SF3B1: variants seen among roughly 807,000 people sequenced by gnomAD.
SF3B1 encodes the protein pre-mRNA processing 10.
In SF3B1, 12 loss-of-function variants were observed where a neutral mutation model predicts 153.8. The observed-to-expected ratio is 0.08, with a 90% confidence interval of 0.05 to 0.13. SF3B1 has a LOEUF of 0.13. Among genes scored for constraint, SF3B1 ranks in the 10% least tolerant of loss-of-function variants. SF3B1 has a pLI of 1.00. For synonymous variants in SF3B1, 498 were observed against 525.2 expected (o/e 0.95, Z 0.71); for missense variants, 513 against 1,606.1 (o/e 0.32, Z 11.63).
At chr2:197,395,187 T>C (rs1462713937) in intron 23 of SF3B1, among the ~76,000 whole-genome samples, 2 of 152,232 alleles carry the variant, frequency 1.3e-5, no homozygotes, top group Non-Finnish European at 2.9e-5. Context: ...TGCACTATGG[T>C]GCTCAGGCAC....
In SF3B1 at chr2:197,396,184, T is replaced by A. The variant is rs142117190; in HGVS notation, c.3411A>T (p.Arg1137Ser). ...CATTTTGAACATTCAGTTCAGGAACTCTGTATTCATTCATTAAGGCAGGGA... is the reference window on the plus strand; with the variant it reads ...CATTTTGAACATTCAGTTCAGGAACACTGTATTCATTCATTAAGGCAGGGA... ...TVLPALMNEY[R>S]VPELNVQNGV... Residue 1137 changes from arginine to serine, a missense_variant, in exon 23 of 25, where the codon AGA becomes AGT. This residue lies in a region of SF3B1 where 17 missense variants were observed against 246.2 expected (regional missense o/e 0.07). Coordinates refer to ENST00000335508, the MANE Select transcript of SF3B1 (RefSeq NM_012433.4). The A allele has an allele frequency of 6.2e-7, 1 of 1,613,876 alleles. No individual in the cohort carries two copies.
chr2:197,426,169 G>T (rs2085333737), intron 1 of SF3B1, among the ~76,000 whole-genome samples: 1 of 151,942 alleles, frequency 6.6e-6, no homozygotes. Context: ...CAGGCAGCCA[G>T]AAATATCCTC....
At chr2:197,429,550 G>A (rs1192536396) in intron 1 of SF3B1, among the ~76,000 whole-genome samples, 4 of 152,132 alleles carry the variant, frequency 2.6e-5, no homozygotes, top group East Asian at 3.8e-4. Flanking sequence ...TTGGGAGGCC[G>A]ATGTGGATGG....
chr2:197,407,842 T>A (rs2085014763), intron 9 of SF3B1, 156 bp downstream of exon 9: 1 of 602,826 alleles, frequency 1.7e-6, no homozygotes, highest in Non-Finnish European at 2.8e-6. Context: ...TTTCTTTTCA[T>A]CTCTATATGG....
chr2:197,394,113 G>A (rs2084847238), intron 23 of SF3B1, among the ~76,000 whole-genome samples: 1 of 152,048 alleles, frequency 6.6e-6, no homozygotes, highest in African/African-American at 2.4e-5. Flanking sequence ...GAACCTGGGG[G>A]GTGGAGGTTG....
intron 8 of SF3B1, 39 bp downstream of exon 8, chr2:197,408,330 T>C (rs1285420585): frequency 6.3e-7 from 1 of 1,575,000 alleles, no homozygotes; most frequent in East Asian, 2.2e-5. Context: ...AAATAATTTA[T>C]GGAGAAAAAA....
chr2:197,427,418 A>C (rs1178783352), intron 1 of SF3B1, among the ~76,000 whole-genome samples: 4 of 152,234 alleles, frequency 2.6e-5, no homozygotes, highest in Non-Finnish European at 4.4e-5. Context: ...GTGATCCATA[A>C]AATTAAGCCG....
intron 7 of SF3B1, 141 bp downstream of exon 7, chr2:197,409,629 T>C: frequency 1.4e-6 from 1 of 723,182 alleles, no homozygotes; most frequent in Admixed American, 2.3e-5. Context: ...ATTAGGCATA[T>C]GAACTGTTCT....
At chr2:197,425,292 C>T (rs554239341) in intron 1 of SF3B1, among the ~76,000 whole-genome samples, 1 of 152,138 alleles carries the variant, frequency 6.6e-6, no homozygotes, top group South Asian at 2.1e-4. Context: ...GTGCTAAAAC[C>T]CCGTCTCTAC....
Position 197,409,754 on chromosome 2 carries a change from A to G in SF3B1, c.904+16T>C, listed in dbSNP as rs1467647645. 8 of 1,575,278 alleles carry G rather than the reference A, an allele frequency of 5.1e-6. No homozygotes were observed. Among genetic ancestry groups the G allele is most frequent in the Admixed American group, 1.7e-5 (1 of 59,904 alleles). Reference sequence around the variant, plus strand: ...CTCAACATTTCACCCACACACCCATACTCCACTAGAAGTACCTCTCTCTGT... The same window carrying G: ...CTCAACATTTCACCCACACACCCATGCTCCACTAGAAGTACCTCTCTCTGT... On this transcript the variant is annotated intron_variant, in intron 7 of 24. Transcript: ENST00000335508.
In SF3B1 at chr2:197,421,145, ACC is replaced by A; in HGVS notation, c.196-14_196-13del. 1 of 1,558,912 alleles carries A rather than the reference ACC, an allele frequency of 6.4e-7. No individual in the cohort carries two copies. The highest frequency in any genetic ancestry group is 8.8e-7 in the Non-Finnish European group (1 of 1,135,138). ...TAGTCATCGTCATCCTGCAATGAAAACCCCCCAAAAAGCCATAAACAAAATGT... is the reference window on the plus strand; with the variant it reads ...TAGTCATCGTCATCCTGCAATGAAAACCCCAAAAAGCCATAAACAAAATGT... On this transcript the variant is annotated splice_polypyrimidine_tract_variant and intron_variant, in intron 2 of 24. Coordinates refer to ENST00000335508, the MANE Select transcript of SF3B1 (RefSeq NM_012433.4).
Position 197,431,152 on chromosome 2 carries a change from G to A in SF3B1, c.28+3820C>T, listed in dbSNP as rs181053397. Among the ~76,000 whole-genome samples, 6 of 113,066 alleles carry A rather than the reference G, an allele frequency of 5.3e-5. No individual in the cohort carries two copies. In the East Asian group the frequency reaches 1.2e-3, roughly 22 times the overall value. 74.2% of individuals were successfully genotyped at this position (113,066 alleles called of 152,430 possible). A position where few individuals can be genotyped will look rare whatever the true frequency, so the allele number is the denominator to read the frequency against. ...TTTTGAGACAGAGTTTCACTCAGTC[G>A]CCCAGGCTGGAGTGCAGTGGCGTGG... On this transcript the variant is annotated intron_variant, in intron 1 of 24. Coordinates refer to ENST00000335508, the MANE Select transcript of SF3B1 (RefSeq NM_012433.4).
chr2:197,402,818 A>C lies in SF3B1; in HGVS notation c.1815T>G (p.Gly605=). The C allele has an allele frequency of 6.2e-7, 1 of 1,613,158 alleles. No homozygotes were observed. The highest frequency in any genetic ancestry group is 8.5e-7 in the Non-Finnish European group (1 of 1,179,216). Residue 605 remains glycine, a synonymous_variant, in exon 14 of 25, where the codon GGT becomes GGG. Transcript: ENST00000335508. This position sits in a 1 kb window ranked among gnomAD's most constrained non-coding sequence, Gnocchi z 4.6. ...EIISNLAKAA[G]LATMISTMRP... The stretch of plus-strand genomic sequence containing the variant: ...TCATGGTAGAGATCATAGTAGCCAG[A>C]CCAGCAGCCTAAAATGTAAACAAAG...
intron 1 of SF3B1, among the ~76,000 whole-genome samples, chr2:197,433,745 C>A (rs967618028): frequency 6.6e-6 from 1 of 152,182 alleles, no homozygotes; most frequent in Non-Finnish European, 1.5e-5. Flanking sequence ...TATTTCTTCT[C>A]TACTTGCACC....
chr2:197,404,950 A>T, intron 11 of SF3B1, 126 bp downstream of exon 11: 2 of 626,130 alleles, frequency 3.2e-6, no homozygotes, highest in Admixed American at 3.2e-5. Context: ...AGGTAGGCCA[A>T]AGCAGGAGGA....
At position 197,408,114 on chromosome 2, in the gene SF3B1, T is replaced by C. The variant is rs2085018380; in HGVS notation, c.1123A>G (p.Ile375Val). The C allele has an allele frequency of 1.2e-6, 2 of 1,612,932 alleles. No individual in the cohort carries two copies. Among genetic ancestry groups the C allele is most frequent in the South Asian group, 1.1e-5 (1 of 90,930 alleles). ...MNMATPTPGH[I>V]MSMTPEQLQA... ...AGCTGTTCAGGAGTCATACTCATTA[T>C]GTGACCTACCAAGAAAAGCAAATTT... The change falls in exon 9 of 25, where the codon ATA (isoleucine) becomes GTA (valine). Residue 375 changes from isoleucine (I) to valine (V), a missense_variant. Transcript: ENST00000335508.
In SF3B1 at chr2:197,405,332, T is replaced by A. The variant is rs765123233; in HGVS notation, c.1380A>T (p.Pro460=). 1.9e-6 allele frequency: 3 copies of A among 1,614,120 alleles called. No individual in the cohort carries two copies. The Admixed American group carries it at 5.0e-5, about 27-fold the overall frequency. ...GTTTTAAAAATGGAAGATTTCCAGA[T>A]GGCTGGTCATTAACACTTTTCATAG... The part of the protein sequence containing the change: ...DRTMKSVNDQ[P]SGNLPFLKPD... The change falls in exon 10 of 25, where the codon CCA becomes CCT. Residue 460 remains proline (P), a synonymous_variant. Transcript: ENST00000335508.
intron 9 of SF3B1, among the ~76,000 whole-genome samples, chr2:197,407,064 G>A (rs2085002570): frequency 6.6e-6 from 1 of 151,982 alleles, no homozygotes; most frequent in Non-Finnish European, 1.5e-5. Flanking sequence ...CTCCAGTACG[G>A]GCAACACAGT....
chr2:197,400,531 C>G lies in SF3B1; in HGVS notation c.2719-97G>C, dbSNP rs868149696. 1 of 1,155,060 alleles carries G rather than the reference C, an allele frequency of 8.7e-7. No homozygotes were observed. Among genetic ancestry groups the G allele is most frequent in the Middle Eastern group, 2.9e-4 (1 of 3,500 alleles). The allele number at this position is 1,155,060 out of a possible 1,614,324, so 71.6% of individuals were successfully genotyped here. On this transcript the variant is annotated intron_variant, in intron 18 of 24. Transcript: ENST00000335508. This position sits in a 1 kb window ranked among gnomAD's most constrained non-coding sequence, Gnocchi z 5.0. Reference sequence around the variant, plus strand: ...CAACCTTTTCTAACCACCCAAACATCTGTTGCTGTTTTTTTACATCAAATC... The same window carrying G: ...CAACCTTTTCTAACCACCCAAACATGTGTTGCTGTTTTTTTACATCAAATC...
Sources: allele counts gnomAD v4.1 joint callset (sites outside exome capture counted in the v4.1 genomes callset), GRCh38; gene constraint gnomAD v4.1.1; regional missense constraint gnomAD v4.1.1; non-coding constraint Gnocchi (gnomAD v3.1); transcripts MANE v1.5; gene names NCBI Gene and HGNC (gene_info 2026-07-23, HGNC 2026-07-21).